Variants in PGM5 observed in about 807,000 individuals in gnomAD.
PGM5 encodes phosphoglucomutase-like protein 5.
Under a neutral mutation model 59.2 loss-of-function variants are expected in PGM5, and 23 were observed. That is an observed-to-expected ratio of 0.39 (90% CI 0.28 to 0.55). The LOEUF is 0.55. PGM5 is among the 20% of genes least tolerant of loss of function. PGM5 has a pLI of 0.66. For synonymous variants in PGM5, 214 were observed against 286.0 expected (o/e 0.75, Z 2.54); for missense variants, 574 against 748.3 (o/e 0.77, Z 2.72).
chr9:68,457,519 A>G (rs1554685015), intron 6 of PGM5, among the ~76,000 whole-genome samples: 2 of 152,214 alleles, frequency 1.3e-5, no homozygotes. Flanking sequence ...GTGAGTATCC[A>G]TTTATAGTTG....
At chr9:68,379,418 C>G (rs1471359348) in intron 2 of PGM5, among the ~76,000 whole-genome samples, 3 of 152,116 alleles carry the variant, frequency 2.0e-5, no homozygotes, top group East Asian at 3.9e-4. Flanking sequence ...AGACGTTTTA[C>G]ACGTTATCCA....
chr9:68,425,795 T>G (rs1163668700), intron 6 of PGM5, among the ~76,000 whole-genome samples: 1 of 152,204 alleles, frequency 6.6e-6, no homozygotes, highest in African/African-American at 2.4e-5. Context: ...ATGCAGAGTC[T>G]TGACTTTCAT....
Position 68,483,956 on chromosome 9 carries a change from C to T in PGM5, c.1387C>T (p.Gln463Ter). 6.2e-7 allele frequency: 1 copy of T among 1,614,060 alleles called. No individual in the cohort carries two copies. Among genetic ancestry groups the T allele is most frequent in the Non-Finnish European group, 8.5e-7 (1 of 1,179,944 alleles). The change falls in exon 9 of 11, where the codon CAG (glutamine) becomes TAG (stop). Residue 463 changes from glutamine to a stop codon, truncating the protein, a stop_gained. Coordinates refer to ENST00000396396, the MANE Select transcript of PGM5 (RefSeq NM_021965.4). LOFTEE classifies it high-confidence loss of function. ...LVTDKSFIGQQFAVGSHVYSV... is the reference protein window; with the variant it reads ...LVTDKSFIGQ The stretch of plus-strand genomic sequence containing the variant: ...CACAGACAAATCCTTCATTGGCCAG[C>T]AGTTTGCTGTGGGGAGCCATGTCTA...
chr9:68,417,922 A>G (rs1283668378), intron 6 of PGM5, among the ~76,000 whole-genome samples: 1 of 152,232 alleles, frequency 6.6e-6, no homozygotes, highest in Non-Finnish European at 1.5e-5. Context: ...AACCTCTGGC[A>G]GTAACTGTTC....
intron 10 of PGM5, among the ~76,000 whole-genome samples, chr9:68,511,083 T>G (rs1824741785): frequency 6.6e-6 from 1 of 152,180 alleles, no homozygotes; most frequent in Non-Finnish European, 1.5e-5. Context: ...GGTGTCAGAC[T>G]CTCCAGAGAA....
intron 4 of PGM5, among the ~76,000 whole-genome samples, chr9:68,388,842 C>T (rs1822294067): frequency 6.6e-6 from 1 of 151,974 alleles, no homozygotes; most frequent in South Asian, 2.1e-4. Context: ...CTTTTAGGAC[C>T]TTTGACTTAT....
chr9:68,416,616 G>A lies in PGM5; in HGVS notation c.1043+24143G>A, dbSNP rs149691507. On this transcript the variant is annotated intron_variant, in intron 6 of 10. Transcript: ENST00000396396. ...TGTATTCTCTTTCTTCTCATTTGGCGTTGAGACATTTTAAAGCCTCAACAA... is the reference window on the plus strand; with the variant it reads ...TGTATTCTCTTTCTTCTCATTTGGCATTGAGACATTTTAAAGCCTCAACAA... Among the ~76,000 whole-genome samples the A allele has an allele frequency of 3.2e-3, 484 of 152,252 alleles. 4 individuals carry two copies. Among genetic ancestry groups the A allele is most frequent in the African/African-American group, 0.01 (420 of 41,546 alleles).
chr9:68,388,112 A>ACCACCCACCTCT (rs1822274352), intron 4 of PGM5, among the ~76,000 whole-genome samples: 2 of 130,038 alleles, frequency 1.5e-5, no homozygotes, highest in Admixed American at 8.3e-5. Flanking sequence ...CTCTCCACCC[A>ACCACCCACCTCT]CCACCCACCT....
chr9:68,432,944 C>T (rs769698161), intron 6 of PGM5, among the ~76,000 whole-genome samples: 2 of 151,838 alleles, frequency 1.3e-5, no homozygotes, highest in Non-Finnish European at 2.9e-5. Flanking sequence ...TATTTTATTC[C>T]GTTATACCAT....
At chr9:68,432,688 C>T (rs1177429703) in intron 6 of PGM5, among the ~76,000 whole-genome samples, 7 of 152,060 alleles carry the variant, frequency 4.6e-5, no homozygotes, top group African/African-American at 1.4e-4. Flanking sequence ...TCACTGCAAC[C>T]TCTGCCTCCT....
Position 68,499,262 on chromosome 9 carries a change from C to A in PGM5, c.1515C>A (p.Leu505=). The change falls in exon 10 of 11, where the codon CTC becomes CTA. Residue 505 remains leucine (L), a synonymous_variant. Coordinates refer to ENST00000396396, the MANE Select transcript of PGM5 (RefSeq NM_021965.4). ...LRIIFSDASR[L]IFRLSSSSGV... ...TCATTTTCTCGGATGCATCACGGCT[C>A]ATCTTCCGGCTCAGTTCCTCCAGTG... 1 of 1,614,204 alleles carries A rather than the reference C, an allele frequency of 6.2e-7. No homozygotes were observed. The highest frequency in any genetic ancestry group is 1.3e-5 in the African/African-American group (1 of 75,062).
intron 3 of PGM5, among the ~76,000 whole-genome samples, chr9:68,386,321 T>G (rs1450551067): frequency 6.6e-6 from 1 of 152,130 alleles, no homozygotes; most frequent in Non-Finnish European, 1.5e-5. Context: ...AATTTTTAAT[T>G]ACTTCATAGA....
chr9:68,448,233 T>TG (rs1303015596), intron 6 of PGM5, among the ~76,000 whole-genome samples: 1 of 152,148 alleles, frequency 6.6e-6, no homozygotes, highest in Non-Finnish European at 1.5e-5. Context: ...CACAGAAATG[T>TG]GACAGTATGT....
chr9:68,385,169 G>A (rs1381679093), intron 3 of PGM5, among the ~76,000 whole-genome samples: 7 of 151,670 alleles, frequency 4.6e-5, no homozygotes, highest in Non-Finnish European at 8.8e-5. Context: ...TCAGAAGATA[G>A]CTTTTTGTTT....
chr9:68,362,094 G>A (rs1834589614), intron 1 of PGM5, among the ~76,000 whole-genome samples: 1 of 147,120 alleles, frequency 6.8e-6, no homozygotes, highest in Non-Finnish European at 1.5e-5. Flanking sequence ...TCAAAATGGT[G>A]AATTTCTAAT....
chr9:68,466,424 C>A, intron 7 of PGM5: 1 of 195,202 alleles, frequency 5.1e-6, no homozygotes, highest in Non-Finnish European at 1.1e-5. Context: ...CTGATAGTTC[C>A]AATCTCTGGT....
At chr9:68,526,018 T>A (rs1413775883) in intron 10 of PGM5, among the ~76,000 whole-genome samples, 6 of 150,616 alleles carry the variant, frequency 4.0e-5, no homozygotes, top group East Asian at 2.0e-4. Context: ...ATCGCGCCAC[T>A]GCACTCCAGC....
intron 2 of PGM5, among the ~76,000 whole-genome samples, chr9:68,383,398 T>G (rs780743137): frequency 6.6e-6 from 1 of 152,042 alleles, no homozygotes; most frequent in Non-Finnish European, 1.5e-5. Flanking sequence ...ATTAATGCAA[T>G]CGATTGCATT....
At chr9:68,476,984 A>ATTT (rs35728957) in intron 7 of PGM5, among the ~76,000 whole-genome samples, 29 of 151,054 alleles carry the variant, frequency 1.9e-4, no homozygotes, top group African/African-American at 6.8e-4. Flanking sequence ...AATAAAAGTG[A>ATTT]TTTTTTTTTT....
Sources: gnomAD v4.1 joint callset for allele counts (sites outside exome capture counted in the v4.1 genomes callset) on GRCh38, gnomAD v4.1.1 for gene constraint, MANE v1.5 for transcripts, NCBI Gene and HGNC (gene_info 2026-07-23, HGNC 2026-07-21) for gene names.